The following CFAP20DC variants were observed in gnomAD, a reference collection of about 807,000 sequenced individuals.
CFAP20DC encodes protein CFAP20DC.
In CFAP20DC, 84 loss-of-function variants were observed where a neutral mutation model predicts 101.7. The observed-to-expected ratio is 0.83, with a 90% CI of 0.69 to 0.99. The LOEUF (loss-of-function observed/expected upper bound fraction) is 0.99, where lower values mean the gene tolerates loss of function less well. Among genes scored for constraint, CFAP20DC ranks in the 50% least tolerant of loss-of-function variants. The pLI is 0.00. For synonymous variants in CFAP20DC, 359 were observed against 351.2 expected, an observed-to-expected ratio of 1.02 and a Z score of -0.25; for missense variants, 1,007 against 970.3, an observed-to-expected ratio of 1.04 and a Z score of -0.50.
chr3:58,999,841 T>C (rs997526220), intron 4 of CFAP20DC, among the ~76,000 whole-genome samples: 3 of 106,476 alleles, frequency 2.8e-5, no homozygotes, highest in Non-Finnish European at 5.4e-5. Flanking sequence ...GAGTCACTAA[T>C]GTAAAAAAAA....
intron 14 of CFAP20DC, among the ~76,000 whole-genome samples, chr3:58,812,768 T>C (rs2074769136): frequency 6.6e-6 from 1 of 151,662 alleles, no homozygotes; most frequent in African/African-American, 2.4e-5. Flanking sequence ...ATCCAGCAAA[T>C]AGCAGAGTGG....
chr3:58,899,516 G>A lies in CFAP20DC; in HGVS notation c.550+14192C>T, dbSNP rs1000224040. 5.9e-5 allele frequency among the ~76,000 whole-genome samples: 9 copies of A among 152,206 alleles called. No individual in the cohort carries two copies. The highest frequency in any genetic ancestry group is 1.3e-4 in the Non-Finnish European group (9 of 68,040). On this transcript the variant is annotated intron_variant, in intron 6 of 16. Transcript: ENST00000482387. This position sits in a 1 kb window ranked among gnomAD's most constrained non-coding sequence, Gnocchi z 5.0. ...CCACCTTGCTGAGAATCCTGGGGGT[G>A]GAGTATGCAAAACTCCTGGGTCTCT...
chr3:58,978,832 G>A (rs1300816317), intron 4 of CFAP20DC, among the ~76,000 whole-genome samples: 1 of 152,000 alleles, frequency 6.6e-6, no homozygotes, highest in Non-Finnish European at 1.5e-5. Flanking sequence ...AGGAGCACAT[G>A]AGAAACATGG....
chr3:59,046,134 T>A, intron 3 of CFAP20DC, 95 bp downstream of exon 3: 1 of 802,624 alleles, frequency 1.2e-6, no homozygotes, highest in South Asian at 1.6e-5. Flanking sequence ...TAAATAGATG[T>A]CAGTAGAAGT....
At chr3:59,042,872 C>CA (rs1252559781) in intron 3 of CFAP20DC, among the ~76,000 whole-genome samples, 8 of 152,076 alleles carry the variant, frequency 5.3e-5, no homozygotes, top group African/African-American at 1.7e-4. Context: ...AACATAGTGC[C>CA]AACAAGACCT....
At chr3:58,876,463 C>G (rs1046702914) in intron 7 of CFAP20DC, among the ~76,000 whole-genome samples, 1 of 152,022 alleles carries the variant, frequency 6.6e-6, no homozygotes. Flanking sequence ...GAGCTGATAT[C>G]AATATGCATA....
intron 14 of CFAP20DC, among the ~76,000 whole-genome samples, chr3:58,824,902 C>G (rs1215590844): frequency 6.6e-6 from 1 of 151,568 alleles, no homozygotes; most frequent in Admixed American, 6.6e-5. Context: ...GGGCTAAAAT[C>G]CTCCTGCCTT....
At chr3:59,017,209 AT>A (rs2093706723) in intron 4 of CFAP20DC, 1 of 152,198 alleles carries the variant, frequency 6.6e-6, no homozygotes, top group Non-Finnish European at 1.5e-5. Flanking sequence ...CCCTCTAGGA[AT>A]TTTGAAATTG....
intron 6 of CFAP20DC, among the ~76,000 whole-genome samples, chr3:58,903,118 T>TGATGGTG (rs1275215577): frequency 5.9e-5 from 9 of 152,206 alleles, no homozygotes; most frequent in Non-Finnish European, 1.3e-4. Context: ...TTCACTTTCT[T>TGATGGTG]GATGGTGTTC....
chr3:58,907,632 T>A (rs1327634822), intron 6 of CFAP20DC, among the ~76,000 whole-genome samples: 1 of 152,210 alleles, frequency 6.6e-6, no homozygotes, highest in Non-Finnish European at 1.5e-5. Flanking sequence ...CACAGCAATG[T>A]ACTGTGTGGG....
At chr3:59,038,464 T>C (rs2094141921) in intron 4 of CFAP20DC, among the ~76,000 whole-genome samples, 1 of 152,168 alleles carries the variant, frequency 6.6e-6, no homozygotes, top group Non-Finnish European at 1.5e-5. Flanking sequence ...GCATATCTTG[T>C]TTTACTGAGC....
downstream of CFAP20DC, among the ~76,000 whole-genome samples, chr3:58,716,868 G>T (rs1461617783): frequency 6.6e-6 from 1 of 152,060 alleles, no homozygotes. Context: ...CCCAAACGAG[G>T]CATATGTCTC....
rs764905876 is a variant in CFAP20DC, at chr3:58,937,739, T to C, written c.302A>G (p.Lys101Arg). ...GACCGTTGATAAATATAATCTTCTT[T>C]TGATGTTCCCTAAATCAGTAATTCT... ...ELLITDLGNI[K>R]RRLYLSTVHK... The change falls in exon 5 of 17, where the codon AAA (lysine) becomes AGA (arginine). Residue 101 changes from lysine (K) to arginine (R), a missense_variant. Transcript: ENST00000482387. The C allele has an allele frequency of 1.9e-6, 3 of 1,604,494 alleles. No individual in the cohort carries two copies. The highest frequency in any genetic ancestry group is 1.1e-5 in the South Asian group (1 of 90,792).
intron 13 of CFAP20DC, among the ~76,000 whole-genome samples, chr3:58,838,407 A>G (rs1239733239): frequency 6.6e-6 from 1 of 152,116 alleles, no homozygotes; most frequent in African/African-American, 2.4e-5. Context: ...CCCTGAAGAC[A>G]TTTCATAAGC....
rs1217771874 is a variant in CFAP20DC at position 58,795,068 on chromosome 3, TC to T, written c.2237+11326del. 6.6e-6 allele frequency among the ~76,000 whole-genome samples: 1 copy of T among 152,024 alleles called. No individual in the cohort carries two copies. The highest frequency in any genetic ancestry group is 6.5e-5 in the Admixed American group (1 of 15,284). On this transcript the variant is annotated intron_variant, in intron 15 of 16. Coordinates refer to ENST00000482387, the MANE Select transcript of CFAP20DC (RefSeq NM_001394063.1). The surrounding 1 kb of genome is among the most constrained non-coding windows in gnomAD (Gnocchi z 4.2). ...TATTCTCCTAAACCTCAACTTGCAT[TC>T]CCTCCCCACCTCCAGACAGAATGGA...
intron 5 of CFAP20DC, among the ~76,000 whole-genome samples, chr3:58,921,483 AT>A (rs201571236): frequency 6.6e-6 from 1 of 151,198 alleles, no homozygotes; most frequent in Non-Finnish European, 1.5e-5. Context: ...TAATATTCTA[AT>A]TTTTTTTTAC....
chr3:59,046,098 TAA>T, intron 3 of CFAP20DC, 129 bp downstream of exon 3: 2 of 618,170 alleles, frequency 3.2e-6, no homozygotes, highest in Non-Finnish European at 5.4e-6. Flanking sequence ...CCCTCTAAAT[TAA>T]AAAAAAAATT....
chr3:58,854,339 T>C (rs1274488187), intron 12 of CFAP20DC, among the ~76,000 whole-genome samples: 18 of 150,710 alleles, frequency 1.2e-4, no homozygotes, highest in Admixed American at 4.6e-4. Flanking sequence ...TAAAAGAGGA[T>C]ACAAACAAAT....
intron 15 of CFAP20DC, among the ~76,000 whole-genome samples, chr3:58,762,181 T>C (rs1389320051): frequency 6.6e-6 from 1 of 152,146 alleles, no homozygotes; most frequent in Admixed American, 6.5e-5. Context: ...TAAGTCTCTT[T>C]GTAGGTCTCT....
Sources: allele counts gnomAD v4.1 joint callset (sites outside exome capture counted in the v4.1 genomes callset), GRCh38; gene constraint gnomAD v4.1.1; non-coding constraint Gnocchi (gnomAD v3.1); transcripts MANE v1.5; gene names NCBI Gene and HGNC (gene_info 2026-07-23, HGNC 2026-07-21).